Variants in SIMC1 observed in about 807,000 individuals in gnomAD.
SIMC1 encodes SUMO-interacting motif-containing protein 1.
Under a neutral mutation model 82.3 loss-of-function variants are expected in SIMC1, and 55 were observed. The ratio of observed to expected loss-of-function variants is 0.67; its 90% CI spans 0.54 to 0.84. The LOEUF is 0.84. SIMC1 is among the 40% of genes least tolerant of loss of function. SIMC1 has a pLI of 0.00. For missense variants in SIMC1, 915 were observed against 1,107.2 expected, an observed-to-expected ratio of 0.83 and a Z score of 2.46; for synonymous variants, 353 against 426.3, an observed-to-expected ratio of 0.83 and a Z score of 2.12.
Position 176,313,833 on chromosome 5 carries a change from C to T in SIMC1, c.1877C>T (p.Pro626Leu). 1 of 1,613,490 alleles carries T rather than the reference C, an allele frequency of 6.2e-7. No homozygotes were observed. Among genetic ancestry groups the T allele is most frequent in the South Asian group, 1.1e-5 (1 of 91,058 alleles). ...ATGGTGCTTTCCTGTGACAAGCAGC[C>T]CCACAATGTCAGGTAAGCAGCCACC... is the stretch of plus-strand genomic sequence containing the variant. ...ANMVLSCDKQ[P>L]HNVRDVIKWL... Residue 626 changes from proline (P) to leucine (L), a missense_variant, in exon 5 of 10, where the codon CCC becomes CTC. Pro to Leu is a moderately conservative substitution (Grantham distance 98). Around this residue, in one of 2 missense-constraint regions of SIMC1, gnomAD observed 902 missense variants for 1,040.3 expected, o/e 0.87. Coordinates refer to ENST00000429602, the MANE Select transcript of SIMC1 (RefSeq NM_001308195.2).
At chr5:176,306,518 C>T (rs1764416002) in intron 4 of SIMC1, among the ~76,000 whole-genome samples, 1 of 148,244 alleles carries the variant, frequency 6.7e-6, no homozygotes, top group South Asian at 2.2e-4. Flanking sequence ...GTTGCCGTGT[C>T]TGTGTAGAAA....
At chr5:176,286,345 C>G (rs1763282517) in intron 1 of SIMC1, among the ~76,000 whole-genome samples, 1 of 152,254 alleles carries the variant, frequency 6.6e-6, no homozygotes, top group Non-Finnish European at 1.5e-5. Context: ...CATCTACAAC[C>G]ATCTGATCTT....
chr5:176,288,864 G>A (rs1318874846), intron 1 of SIMC1, among the ~76,000 whole-genome samples: 1 of 152,166 alleles, frequency 6.6e-6, no homozygotes. Context: ...TGGTACAGAG[G>A]TTGATTACAA....
chr5:176,263,889 A>T (rs554474622), intron 1 of SIMC1, among the ~76,000 whole-genome samples: 59 of 152,338 alleles, frequency 3.9e-4, no homozygotes, highest in African/African-American at 1.2e-3. Flanking sequence ...AAAGCAAGTT[A>T]TTGAATTCTA....
At chr5:176,323,802 C>T (rs1035230615) in intron 6 of SIMC1, among the ~76,000 whole-genome samples, 5 of 151,790 alleles carry the variant, frequency 3.3e-5, no homozygotes, top group Admixed American at 2.6e-4. Flanking sequence ...CTGGCTAACA[C>T]GGTGAAACCC....
In SIMC1 at chr5:176,311,876, G is replaced by A. The variant is rs78417071; in HGVS notation, c.1735-1815G>A. Reference sequence around the variant, plus strand: ...TTTATTAGCCTTGACGATGTAAAACGGAAAGTATAGAAGATAAAGTTTGGG... The same window carrying A: ...TTTATTAGCCTTGACGATGTAAAACAGAAAGTATAGAAGATAAAGTTTGGG... On this transcript the variant is annotated intron_variant, in intron 4 of 9. Coordinates refer to ENST00000429602, the MANE Select transcript of SIMC1 (RefSeq NM_001308195.2). 7.9e-4 allele frequency among the ~76,000 whole-genome samples: 120 copies of A among 152,252 alleles called. 1 individual carries two copies. The East Asian group carries it at 0.022, about 27-fold the overall frequency.
intron 1 of SIMC1, among the ~76,000 whole-genome samples, chr5:176,278,985 C>A (rs2113213349): frequency 6.6e-6 from 1 of 152,286 alleles, no homozygotes; most frequent in East Asian, 1.9e-4. Flanking sequence ...AGGAAGGATT[C>A]TCTCTTTTTC....
intron 5 of SIMC1, among the ~76,000 whole-genome samples, chr5:176,314,108 AAT>A (rs1764796680): frequency 6.6e-6 from 1 of 152,112 alleles, no homozygotes; most frequent in South Asian, 2.1e-4. Flanking sequence ...CTCTACTAAA[AAT>A]ATACAAATTA....
At position 176,333,676 on chromosome 5, in the gene SIMC1, C is replaced by T. The variant is rs140603293; in HGVS notation, c.2172-3044C>T. On this transcript the variant is annotated intron_variant, in intron 7 of 9. Transcript: ENST00000429602. Reference sequence around the variant, plus strand: ...AACTCCTGACCTCAGTTGATTCCCCCACCTGGGCCTCCCAGAGTGCTGGGA... The same window carrying T: ...AACTCCTGACCTCAGTTGATTCCCCTACCTGGGCCTCCCAGAGTGCTGGGA... Among the ~76,000 whole-genome samples the T allele has an allele frequency of 2.5e-3, 387 of 152,310 alleles. 3 individuals are homozygous for T. The highest frequency in any genetic ancestry group is 8.8e-3 in the African/African-American group (365 of 41,584).
At chr5:176,299,608 A>G (rs1763956719) in intron 4 of SIMC1, among the ~76,000 whole-genome samples, 1 of 152,236 alleles carries the variant, frequency 6.6e-6, no homozygotes, top group Admixed American at 6.5e-5. Flanking sequence ...TATATGCACT[A>G]AACATCAGAC....
At chr5:176,280,375 A>G (rs1762935129) in intron 1 of SIMC1, among the ~76,000 whole-genome samples, 2 of 151,552 alleles carry the variant, frequency 1.3e-5, no homozygotes, top group African/African-American at 4.8e-5. Context: ...GTGTCTCTGC[A>G]TGTGTCTTTA....
intron 7 of SIMC1, among the ~76,000 whole-genome samples, chr5:176,326,528 C>T (rs886406686): frequency 6.6e-6 from 1 of 151,932 alleles, no homozygotes; most frequent in Non-Finnish European, 1.5e-5. Flanking sequence ...CCACCGCACC[C>T]AACCTTATTT....
chr5:176,302,589 A>C (rs867287943), intron 4 of SIMC1, among the ~76,000 whole-genome samples: 1 of 152,170 alleles, frequency 6.6e-6, no homozygotes, highest in Non-Finnish European at 1.5e-5. Flanking sequence ...AGGGCATCCA[A>C]ATTAGAAAGG....
Position 176,289,901 on chromosome 5 carries a change from A to G in SIMC1, c.377A>G (p.Asn126Ser), listed in dbSNP as rs752844347. Residue 126 changes from asparagine to serine, a missense_variant, in exon 2 of 10, where the codon AAC becomes AGC. This residue lies in a region of SIMC1 where 902 missense variants were observed against 1,040.3 expected (regional missense o/e 0.87). Transcript: ENST00000429602. The stretch of plus-strand genomic sequence containing the variant: ...CAGCCTACAGCACGGAGAATCATTA[A>G]CAGTGATCCTGTAGATTTGGACCTA... ...SSQPTARRII[N>S]SDPVDLDLVE... 6.2e-7 allele frequency: 1 copy of G among 1,613,936 alleles called. No individual in the cohort carries two copies. The highest frequency in any genetic ancestry group is 1.1e-5 in the South Asian group (1 of 91,070).
intron 5 of SIMC1, among the ~76,000 whole-genome samples, chr5:176,317,339 G>A (rs557510358): frequency 2.0e-5 from 3 of 152,238 alleles, no homozygotes; most frequent in South Asian, 2.1e-4. Flanking sequence ...CATACAAAGA[G>A]TAGACTAGTT....
chr5:176,280,765 C>T (rs1366819733), intron 1 of SIMC1, among the ~76,000 whole-genome samples: 1 of 152,218 alleles, frequency 6.6e-6, no homozygotes, highest in Non-Finnish European at 1.5e-5. Flanking sequence ...GGCCCCCAGT[C>T]TCTTCCGGCT....
intron 1 of SIMC1, among the ~76,000 whole-genome samples, chr5:176,280,626 G>T (rs1233961569): frequency 1.3e-5 from 2 of 151,984 alleles, no homozygotes; most frequent in Non-Finnish European, 2.9e-5. Flanking sequence ...TGTACGGCAG[G>T]CCTGGTGGTG....
At chr5:176,246,829 A>T (rs1761464887) in intron 1 of SIMC1, among the ~76,000 whole-genome samples, 1 of 151,580 alleles carries the variant, frequency 6.6e-6, no homozygotes, top group East Asian at 1.9e-4. Flanking sequence ...CTCATTGTTC[A>T]ACTTCCACTT....
At chr5:176,336,095 G>GGAGAGA (rs368859567) in intron 7 of SIMC1, among the ~76,000 whole-genome samples, 1 of 147,298 alleles carries the variant, frequency 6.8e-6, no homozygotes, top group Non-Finnish European at 1.5e-5. Context: ...GCAGGGAGGG[G>GGAGAGA]GAGAGAGAGA....
Sources: gnomAD v4.1 joint callset for allele counts (sites outside exome capture counted in the v4.1 genomes callset) on GRCh38, gnomAD v4.1.1 for gene constraint, gnomAD v4.1.1 regional missense constraint, MANE v1.5 for transcripts, NCBI Gene and HGNC (gene_info 2026-07-23, HGNC 2026-07-21) for gene names.